The following FLYWCH1 variants were observed in gnomAD, a reference collection of about 807,000 sequenced individuals.
FLYWCH1 encodes the protein FLYWCH-type zinc finger-containing protein 1.
FLYWCH1 carries 75 observed loss-of-function variants against 66.4 expected under a neutral mutation model. The ratio of observed to expected loss-of-function variants is 1.13; its 90% CI spans 0.94 to 1.37. The LOEUF (loss-of-function observed/expected upper bound fraction) is 1.37, where lower values mean the gene tolerates loss of function less well. FLYWCH1 is among the 40% of genes most tolerant of loss of function. FLYWCH1 has a pLI of 0.00. For synonymous variants in FLYWCH1, 595 were observed against 429.9 expected, an observed-to-expected ratio of 1.38 and a Z score of -4.75; for missense variants, 1,334 against 1,001.8, an observed-to-expected ratio of 1.33 and a Z score of -4.48.
chr16:2,920,077 G>A (rs566183812), intron 2 of FLYWCH1, among the ~76,000 whole-genome samples: 4 of 151,866 alleles, frequency 2.6e-5, no homozygotes, highest in Non-Finnish European at 5.9e-5. Flanking sequence ...GTGCATTTGA[G>A]TGGCAGGATT....
rs1194786463 is a variant in FLYWCH1, at chr16:2,933,191, G to A, written c.858G>A (p.Glu286=). 6 of 1,613,782 alleles carry A rather than the reference G, an allele frequency of 3.7e-6. No individual in the cohort carries two copies. Among genetic ancestry groups the A allele is most frequent in the Non-Finnish European group, 5.1e-6 (6 of 1,179,866 alleles). Residue 286 remains glutamate (E), a synonymous_variant, in exon 5 of 10, where the codon GAG becomes GAA. Transcript: ENST00000253928. ...TCYGGSFLVH[E]SFLYKREKAV... ...ACGGGGGCAGCTTCCTGGTACACGA[G>A]TCGTTCCTCTACAAGCGGGAGAAGG...
chr16:2,943,870 G>A (rs529863672), intron 9 of FLYWCH1, among the ~76,000 whole-genome samples: 61 of 152,212 alleles, frequency 4.0e-4, no homozygotes, highest in Non-Finnish European at 6.9e-4. Flanking sequence ...CCGGGAGGTG[G>A]AGGTTGCAGT....
At chr16:2,913,026 G>A (rs2070044619) in intron 1 of FLYWCH1, 1 of 152,226 alleles carries the variant, frequency 6.6e-6, no homozygotes, top group Admixed American at 6.6e-5. Flanking sequence ...GGGACGTGTG[G>A]AAGGAACAAG....
At chr16:2,922,931 G>A (rs1432502790) in intron 2 of FLYWCH1, 2 of 524,042 alleles carry the variant, frequency 3.8e-6, no homozygotes, top group African/African-American at 1.9e-5. Context: ...TCTCCTGGGG[G>A]CGCTCTTCCG....
chr16:2,933,044 G>T (rs889255614), intron 4 of FLYWCH1, 86 bp from the exon 5 acceptor site: 1 of 1,199,198 alleles, frequency 8.3e-7, no homozygotes, highest in Non-Finnish European at 1.2e-6. Flanking sequence ...AGAAAGGCTC[G>T]TGTCAGCCCC....
At chr16:2,919,857 A>T (rs563930149) in intron 2 of FLYWCH1, among the ~76,000 whole-genome samples, 1 of 152,104 alleles carries the variant, frequency 6.6e-6, no homozygotes, top group African/African-American at 2.4e-5. Flanking sequence ...TTGTGGCCAT[A>T]TGGAGTATTG....
chr16:2,936,688 CCT>C (rs1400814380), intron 6 of FLYWCH1: 8 of 463,598 alleles, frequency 1.7e-5, no homozygotes, highest in Non-Finnish European at 3.0e-5. Flanking sequence ...TGGGGTCACA[CCT>C]CTACCTGCGC....
chr16:2,919,175 T>C (rs2070279233), intron 2 of FLYWCH1, among the ~76,000 whole-genome samples: 1 of 152,180 alleles, frequency 6.6e-6, no homozygotes. Context: ...CACCTCAGCC[T>C]CCCAAAGTGC....
chr16:2,918,474 C>G (rs566275511), intron 2 of FLYWCH1, among the ~76,000 whole-genome samples: 10 of 136,308 alleles, frequency 7.3e-5, no homozygotes, highest in Non-Finnish European at 1.4e-4. Flanking sequence ...GAGTTTTGCT[C>G]TTGTTGCCCA....
At chr16:2,948,530 T>C (rs1238116971) in intron 9 of FLYWCH1, among the ~76,000 whole-genome samples, 158 bp from the exon 10 acceptor site, 1 of 152,168 alleles carries the variant, frequency 6.6e-6, no homozygotes, top group Non-Finnish European at 1.5e-5. Context: ...ACCACTGCAC[T>C]CCAGCCTGGG....
At chr16:2,938,055 G>A (rs2071091327) in intron 7 of FLYWCH1, 129 bp from the exon 8 acceptor site, 4 of 891,106 alleles carry the variant, frequency 4.5e-6, no homozygotes, top group Non-Finnish European at 6.8e-6. Flanking sequence ...AGGAGGGCAG[G>A]GACCACCGTG....
chr16:2,926,818 A>G (rs1211291743), intron 2 of FLYWCH1, among the ~76,000 whole-genome samples: 4 of 152,182 alleles, frequency 2.6e-5, no homozygotes, highest in Non-Finnish European at 5.9e-5. Context: ...AATTGGGGGG[A>G]AAAGTGGGGC....
chr16:2,926,167 C>G (rs566209406), intron 2 of FLYWCH1, among the ~76,000 whole-genome samples: 4 of 152,142 alleles, frequency 2.6e-5, no homozygotes, highest in Non-Finnish European at 5.9e-5. Context: ...TAAGTTAGAG[C>G]CTGTACAGAA....
At chr16:2,938,995 C>T (rs2071146731) in intron 8 of FLYWCH1, among the ~76,000 whole-genome samples, 1 of 151,884 alleles carries the variant, frequency 6.6e-6, no homozygotes. Flanking sequence ...GCAACCTCTG[C>T]CTCCTGGGTT....
Position 2,937,311 on chromosome 16 carries a change from A to G in FLYWCH1, c.1704A>G (p.Pro568=). ...TGGTCATGCGCAGGCACTGCCACCC[A>G]CCGGACCTGGGCGGCCTGGAGGCCC... is the stretch of plus-strand genomic sequence containing the variant. ...RVMVMRRHCH[P]PDLGGLEALR... The change falls in exon 7 of 10, where the codon CCA becomes CCG. Residue 568 remains proline, a synonymous_variant. Transcript: ENST00000253928. The G allele has an allele frequency of 1.9e-6, 3 of 1,603,254 alleles. No homozygotes were observed. The highest frequency in any genetic ancestry group is 2.6e-6 in the Non-Finnish European group (3 of 1,175,552).
Position 2,937,286 on chromosome 16 carries a change from T to C in FLYWCH1, c.1679T>C (p.Met560Thr), listed in dbSNP as rs757430581. 11 of 1,604,954 alleles carry C rather than the reference T, an allele frequency of 6.9e-6. No individual in the cohort carries two copies. In the East Asian group the frequency reaches 2.0e-4, roughly 29 times the overall value. ...GCCATCACCCAGGGCCGGCGGGTCA[T>C]GGTCATGCGCAGGCACTGCCACCCA... ...SRAITQGRRV[M>T]VMRRHCHPPD... Residue 560 changes from methionine to threonine, a missense_variant, in exon 7 of 10, where the codon ATG becomes ACG. Transcript: ENST00000253928.
chr16:2,944,120 C>T (rs1372066615), intron 9 of FLYWCH1, among the ~76,000 whole-genome samples: 1 of 151,852 alleles, frequency 6.6e-6, no homozygotes, highest in Admixed American at 6.6e-5. Flanking sequence ...AGCACGACAG[C>T]TCCCACCTGT....
Position 2,933,254 on chromosome 16 carries a change from C to T in FLYWCH1, c.921C>T (p.His307=), listed in dbSNP as rs201661996. The change falls in exon 5 of 10, where the codon CAC becomes CAT. Residue 307 remains histidine (H), a synonymous_variant. Coordinates refer to ENST00000253928, the MANE Select transcript of FLYWCH1 (RefSeq NM_001308068.2). ...GDKVYWTCRD[H]ALHGCRSRAI... ...AGGTGTATTGGACCTGCCGGGACCA[C>T]GCGCTGCACGGCTGCCGGAGCCGGG... is the stretch of plus-strand genomic sequence containing the variant. 209 of 1,612,462 alleles carry T rather than the reference C, an allele frequency of 1.3e-4. 1 individual carries two copies. In the East Asian group the frequency reaches 2.5e-3, roughly 19 times the overall value.
chr16:2,943,287 G>T (rs6500733), intron 9 of FLYWCH1: 4 of 151,660 alleles, frequency 2.6e-5, no homozygotes, highest in African/African-American at 7.3e-5. Flanking sequence ...CACATTCTGC[G>T]GGAGGGGACC....
Sources: allele counts gnomAD v4.1 joint callset (sites outside exome capture counted in the v4.1 genomes callset), GRCh38; gene constraint gnomAD v4.1.1; transcripts MANE v1.5; gene names NCBI Gene and HGNC (gene_info 2026-07-23, HGNC 2026-07-21).